Variants in ANKDD1B observed in about 807,000 individuals in gnomAD.
ANKDD1B encodes the protein ankyrin repeat and death domain containing 1B.
Under a neutral mutation model 59.7 loss-of-function variants are expected in ANKDD1B, and 57 were observed. That is an observed-to-expected ratio of 0.95 (90% CI 0.77 to 1.19). The LOEUF (loss-of-function observed/expected upper bound fraction) is 1.19. ANKDD1B is among the 50% of genes most tolerant of loss of function. The pLI is 0.00. For synonymous variants in ANKDD1B, 216 were observed against 239.5 expected, an observed-to-expected ratio of 0.90 and a Z score of 0.91; for missense variants, 602 against 641.9, an observed-to-expected ratio of 0.94 and a Z score of 0.67.
intron 9 of ANKDD1B, among the ~76,000 whole-genome samples, 157 bp from the exon 10 acceptor site, chr5:75,659,126 C>T (rs1775049666): frequency 6.6e-6 from 1 of 152,136 alleles, no homozygotes; most frequent in South Asian, 2.1e-4. Flanking sequence ...AATTTCCTTT[C>T]AGTTTTTCAC....
At chr5:75,632,164 T>C (rs1774184048) in intron 5 of ANKDD1B, among the ~76,000 whole-genome samples, 1 of 151,416 alleles carries the variant, frequency 6.6e-6, no homozygotes, top group Admixed American at 6.6e-5. Context: ...ACATTGAAGT[T>C]GCTCATAATT....
At chr5:75,632,335 G>T (rs1442533242) in intron 5 of ANKDD1B, among the ~76,000 whole-genome samples, 2 of 152,080 alleles carry the variant, frequency 1.3e-5, no homozygotes, top group Non-Finnish European at 1.5e-5. Context: ...ATGTCAGCAG[G>T]GCTCTTTATC....
At chr5:75,651,793 A>G (rs1214576631) in intron 7 of ANKDD1B, among the ~76,000 whole-genome samples, 1 of 152,204 alleles carries the variant, frequency 6.6e-6, no homozygotes, top group Non-Finnish European at 1.5e-5. Context: ...AAAAAATACC[A>G]TAAAATTGGG....
intron 13 of ANKDD1B, among the ~76,000 whole-genome samples, chr5:75,670,247 T>A (rs536386234): frequency 6.6e-6 from 1 of 152,250 alleles, no homozygotes; most frequent in Non-Finnish European, 1.5e-5. Flanking sequence ...TTTTTATTAT[T>A]ATTTTTGGAT....
chr5:75,662,682 A>G (rs752022078), intron 10 of ANKDD1B, among the ~76,000 whole-genome samples: 4 of 152,044 alleles, frequency 2.6e-5, no homozygotes, highest in Non-Finnish European at 5.9e-5. Context: ...AGCTCTGTCC[A>G]TCTTGAGAAA....
chr5:75,631,350 T>C (rs911587586), intron 5 of ANKDD1B, among the ~76,000 whole-genome samples: 1 of 152,244 alleles, frequency 6.6e-6, no homozygotes, highest in Non-Finnish European at 1.5e-5. Flanking sequence ...TTATTAACTA[T>C]GTTACTAAGC....
At chr5:75,653,768 G>T (rs376718504) in intron 8 of ANKDD1B, among the ~76,000 whole-genome samples, 1 of 152,128 alleles carries the variant, frequency 6.6e-6, no homozygotes, top group Non-Finnish European at 1.5e-5. Flanking sequence ...TCATTTCTCC[G>T]TTGAGAATAT....
intron 1 of ANKDD1B, among the ~76,000 whole-genome samples, chr5:75,615,502 C>T (rs897407944): frequency 3.3e-5 from 5 of 152,138 alleles, no homozygotes; most frequent in African/African-American, 1.2e-4. Context: ...CAGGCTGCCA[C>T]GACAAAGTAC....
At chr5:75,618,437 G>C (rs1280585880) in intron 2 of ANKDD1B, among the ~76,000 whole-genome samples, 3 of 152,140 alleles carry the variant, frequency 2.0e-5, no homozygotes, top group Non-Finnish European at 4.4e-5. Flanking sequence ...ACTACAATCT[G>C]ATATACTTTA....
intron 13 of ANKDD1B, among the ~76,000 whole-genome samples, 183 bp downstream of exon 13, chr5:75,669,566 T>G (rs1430082005): frequency 6.6e-6 from 1 of 152,098 alleles, no homozygotes; most frequent in Non-Finnish European, 1.5e-5. Context: ...AATGACCCAG[T>G]CAATACTGGT....
intron 7 of ANKDD1B, among the ~76,000 whole-genome samples, chr5:75,648,879 T>G (rs890513177): frequency 1.4e-4 from 22 of 152,178 alleles, no homozygotes; most frequent in Non-Finnish European, 2.2e-4. Context: ...TGACACTGAG[T>G]CTTGGTTTCC....
At chr5:75,653,266 T>G (rs1223538603) in intron 8 of ANKDD1B, 26 bp downstream of exon 8, 1 of 1,500,552 alleles carries the variant, frequency 6.7e-7, no homozygotes, top group African/African-American at 1.4e-5. Flanking sequence ...TGACACGGGC[T>G]TTGGTCCTGG....
chr5:75,620,411 A>ACAC lies in ANKDD1B; in HGVS notation c.394_395insCAC (p.Lys132delinsThrGln). The ACAC allele has an allele frequency of 1.3e-6, 2 of 1,522,840 alleles. No individual in the cohort carries two copies. Among genetic ancestry groups the ACAC allele is most frequent in the Admixed American group, 3.9e-5 (2 of 50,814 alleles). 94.3% of individuals were successfully genotyped at this position (1,522,840 alleles called of 1,614,324 possible). Reference sequence around the variant, plus strand: ...CAAGGCCAGGGTGGATGTTGCTGATAAGGTAAGCTCATCTTGAGTAGAACA... The same window carrying ACAC: ...CAAGGCCAGGGTGGATGTTGCTGATACACAGGTAAGCTCATCTTGAGTAGAACA... On this transcript the variant is annotated protein_altering_variant and splice_region_variant, in exon 3 of 14. Transcript: ENST00000601380.
intron 7 of ANKDD1B, among the ~76,000 whole-genome samples, chr5:75,652,067 C>T (rs1465253856): frequency 1.3e-5 from 2 of 152,172 alleles, no homozygotes; most frequent in Non-Finnish European, 2.9e-5. Flanking sequence ...AGGGGAGTGG[C>T]AAGGTTATAC....
intron 7 of ANKDD1B, among the ~76,000 whole-genome samples, chr5:75,648,979 G>T (rs1460952794): frequency 2.6e-5 from 4 of 152,128 alleles, no homozygotes; most frequent in Admixed American, 6.5e-5. Flanking sequence ...ATGTTGGAGT[G>T]AGATTATGAA....
rs1449150075 is a variant in ANKDD1B at position 75,625,677 on chromosome 5, T to C, written c.427T>C (p.Trp143Arg). The C allele has an allele frequency of 1.3e-6, 2 of 1,536,412 alleles. No homozygotes were observed. Among genetic ancestry groups the C allele is most frequent in the African/African-American group, 2.7e-5 (2 of 73,020 alleles). Residue 143 changes from tryptophan (W) to arginine (R), a missense_variant, in exon 4 of 14, where the codon TGG (tryptophan) becomes CGG (arginine). By Grantham distance (101) the Trp-to-Arg change is moderately radical (BLOSUM62 -3). This residue lies in a region of ANKDD1B where 317 missense variants were observed against 304.6 expected (regional missense o/e 1.04). Coordinates refer to ENST00000601380, the MANE Select transcript of ANKDD1B (RefSeq NM_001276713.2). ...HGLTVIHLAA[W>R]SGSLEVMLML... ...CTTGACAGTAATTCACCTTGCAGCC[T>C]GGTCTGGGAGCCTTGAGGTCATGCT...
chr5:75,626,670 A>G (rs1774003567), intron 5 of ANKDD1B, among the ~76,000 whole-genome samples: 1 of 152,230 alleles, frequency 6.6e-6, no homozygotes, highest in South Asian at 2.1e-4. Flanking sequence ...ACTTGAAGCC[A>G]GGTCTGGCTG....
chr5:75,611,454 T>G lies in ANKDD1B; in HGVS notation c.-181T>G. On this transcript the variant is annotated 5_prime_UTR_variant, in exon 1 of 14. Transcript: ENST00000601380. Reference sequence around the variant, plus strand: ...GGCAGGGCTGGAAACTAGGGGCTTGTTGCCCAGCGAACCGCCACAACAGAG... The same window carrying G: ...GGCAGGGCTGGAAACTAGGGGCTTGGTGCCCAGCGAACCGCCACAACAGAG... The G allele has an allele frequency of 2.3e-6, 1 of 430,112 alleles. No homozygotes were observed. The highest frequency in any genetic ancestry group is 3.9e-6 in the Non-Finnish European group (1 of 256,324). The allele number at this position is 430,112 out of a possible 1,614,324, so 26.6% of individuals were successfully genotyped here.
At chr5:75,653,461 T>C (rs1052288277) in intron 8 of ANKDD1B, among the ~76,000 whole-genome samples, 1 of 152,220 alleles carries the variant, frequency 6.6e-6, no homozygotes, top group Non-Finnish European at 1.5e-5. Flanking sequence ...CTGAACAAAA[T>C]GAAATCTTTG....
Sources: allele counts gnomAD v4.1 joint callset (sites outside exome capture counted in the v4.1 genomes callset), GRCh38; gene constraint gnomAD v4.1.1; regional missense constraint gnomAD v4.1.1; transcripts MANE v1.5; gene names NCBI Gene and HGNC (gene_info 2026-07-23, HGNC 2026-07-21).